The following SSH1 variants were observed in gnomAD, a reference collection of about 807,000 sequenced individuals.
The protein encoded by SSH1 is protein phosphatase Slingshot homolog 1.
SSH1 carries 43 observed loss-of-function variants against 79.7 expected under a neutral mutation model. The observed-to-expected ratio is 0.54, with a 90% CI of 0.42 to 0.70. SSH1 has a LOEUF of 0.70. Ranked by LOEUF, SSH1 falls within the 30% of genes least tolerant of loss-of-function variation. The probability of loss-of-function intolerance (pLI) is 0.00; values close to 1 mark genes in which losing one functional copy is unlikely to be tolerated. For synonymous variants in SSH1, 599 were observed against 538.3 expected, an observed-to-expected ratio of 1.11 and a Z score of -1.56; for missense variants, 1,206 against 1,358.8, an observed-to-expected ratio of 0.89 and a Z score of 1.77.
At chr12:108,824,238 G>A (rs1375255511) in intron 2 of SSH1, among the ~76,000 whole-genome samples, 2 of 152,156 alleles carry the variant, frequency 1.3e-5, no homozygotes, top group African/African-American at 4.8e-5. Context: ...GAGGTCAGGA[G>A]TTCGAGACCA....
At chr12:108,832,613 T>C (rs2038501551) in intron 2 of SSH1, among the ~76,000 whole-genome samples, 1 of 152,198 alleles carries the variant, frequency 6.6e-6, no homozygotes, top group South Asian at 2.1e-4. Context: ...ATTCACCATT[T>C]GGAGAGAGAT....
chr12:108,792,013 G>C (rs1019389107), intron 14 of SSH1: 1 of 1,407,846 alleles, frequency 7.1e-7, no homozygotes. Context: ...GGTACATGGG[G>C]TGAAGATGGT....
intron 13 of SSH1, among the ~76,000 whole-genome samples, chr12:108,794,447 C>T (rs1229233398): frequency 1.3e-5 from 2 of 152,222 alleles, no homozygotes; most frequent in Non-Finnish European, 2.9e-5. Context: ...GATAGGTCAA[C>T]CTCTCAGCGT....
intron 13 of SSH1, among the ~76,000 whole-genome samples, chr12:108,793,236 A>T (rs1260815389): frequency 6.6e-6 from 1 of 152,194 alleles, no homozygotes; most frequent in Non-Finnish European, 1.5e-5. Flanking sequence ...AGGGAATCAA[A>T]GTGGAGTATG....
rs1185862006 is a variant in SSH1, at chr12:108,827,457, G to A, written c.111-4096C>T. 8 of 1,297,922 alleles carry A rather than the reference G, an allele frequency of 6.2e-6. No homozygotes were observed. In the African/African-American group the frequency reaches 7.6e-5, roughly 12 times the overall value. The allele number at this position is 1,297,922 out of a possible 1,614,324, so 80.4% of individuals were successfully genotyped here. A position where few individuals can be genotyped will look rare whatever the true frequency, so the allele number is the denominator to read the frequency against. On this transcript the variant is annotated intron_variant, in intron 2 of 14. Transcript: ENST00000326495. ...CCAGGAGGCTGCCGAGTGCTTCCAC[G>A]AGGGCTGGGGAGCCAACTCCTCCTC...
In SSH1 at chr12:108,782,939, T is replaced by C. The variant is rs1343026031; in HGVS notation, c.*5049A>G. The C allele has an allele frequency of 1.3e-5, 2 of 152,230 alleles. No homozygotes were observed. The highest frequency in any genetic ancestry group is 2.9e-5 in the Non-Finnish European group (2 of 68,048). 9.4% of individuals were successfully genotyped at this position (152,230 alleles called of 1,614,324 possible). On this transcript the variant is annotated 3_prime_UTR_variant, in exon 15 of 15. Transcript: ENST00000326495. ...TTCTGGAAAACCAAACAACTCATGG[T>C]GTGGAGCTCCTGATTGGGGAAGGGA... is the stretch of plus-strand genomic sequence containing the variant.
chr12:108,813,333 C>T (rs866942779), intron 5 of SSH1, among the ~76,000 whole-genome samples: 15 of 152,242 alleles, frequency 9.9e-5, no homozygotes, highest in Middle Eastern at 3.4e-3. Flanking sequence ...AAGACCCCAT[C>T]GTGGAGTCCT....
In SSH1 at chr12:108,791,871, G is replaced by C. The variant is rs1001684860; in HGVS notation, c.1893+415C>G. The C allele has an allele frequency of 1.0e-5, 12 of 1,161,584 alleles. No individual in the cohort carries two copies. The African/African-American group carries it at 1.9e-4, about 18-fold the overall frequency. The allele number at this position is 1,161,584 out of a possible 1,614,324, so 72.0% of individuals were successfully genotyped here. On this transcript the variant is annotated intron_variant, in intron 14 of 14. Coordinates refer to ENST00000326495, the MANE Select transcript of SSH1 (RefSeq NM_018984.4). ...AGGATCATCAGGGGTGTGGGGAAGT[G>C]GGTGGTAGGGGTGAGATGAAAAAGA...
intron 3 of SSH1, among the ~76,000 whole-genome samples, chr12:108,821,650 G>A (rs954285489): frequency 1.6e-4 from 24 of 152,176 alleles, no homozygotes; most frequent in Admixed American, 9.8e-4. Flanking sequence ...GGAGAACTAG[G>A]ATCAGAAGAC....
intron 7 of SSH1, 116 bp downstream of exon 7, chr12:108,809,577 G>A (rs1003391645): frequency 7.1e-6 from 6 of 847,940 alleles, no homozygotes; most frequent in East Asian, 2.4e-5. Flanking sequence ...TGTATTTTGC[G>A]CCTCCCTCAA....
intron 7 of SSH1, among the ~76,000 whole-genome samples, chr12:108,808,095 G>A (rs959725816): frequency 1.5e-4 from 23 of 152,172 alleles, no homozygotes; most frequent in East Asian, 5.8e-4. Flanking sequence ...CCACCACCAC[G>A]CCCAGCTAAT....
At chr12:108,795,931 A>G (rs2036732651) in intron 13 of SSH1, among the ~76,000 whole-genome samples, 1 of 152,074 alleles carries the variant, frequency 6.6e-6, no homozygotes, top group African/African-American at 2.4e-5. Flanking sequence ...TTTCTGAGAA[A>G]AGGTCTCGCT....
At chr12:108,801,724 G>T (rs1371324992) in intron 11 of SSH1, among the ~76,000 whole-genome samples, 1 of 146,612 alleles carries the variant, frequency 6.8e-6, no homozygotes, top group Non-Finnish European at 1.5e-5. Context: ...TGATTTTGTG[G>T]CTGTGTTGTT....
chr12:108,806,442 T>C (rs765115985), intron 8 of SSH1, 48 bp from the exon 9 acceptor site: 1 of 1,566,710 alleles, frequency 6.4e-7, no homozygotes. Flanking sequence ...AGAAAGCTTG[T>C]GGTCGGAGGT....
In SSH1 at chr12:108,782,418, T is replaced by C. The variant is rs1274117680; in HGVS notation, c.*5570A>G. ...AAATCCTTTCCTGGTGGGTAACTTT[T>C]TTTTTTTGGTACACAAAGGACCACC... On this transcript the variant is annotated 3_prime_UTR_variant, in exon 15 of 15. Transcript: ENST00000326495. The C allele has an allele frequency of 1.3e-5, 2 of 152,130 alleles. No homozygotes were observed. Among genetic ancestry groups the C allele is most frequent in the African/African-American group, 4.8e-5 (2 of 41,458 alleles). 9.4% of individuals were successfully genotyped at this position (152,130 alleles called of 1,614,324 possible).
At chr12:108,791,976 T>C in intron 14 of SSH1, 1 of 1,316,820 alleles carries the variant, frequency 7.6e-7, no homozygotes, top group Non-Finnish European at 9.7e-7. Flanking sequence ...GAAATTGAGT[T>C]GGAAGCCCTG....
intron 2 of SSH1, 80 bp from the exon 3 acceptor site, chr12:108,823,441 G>T (rs1220003493): frequency 1.7e-6 from 2 of 1,169,952 alleles, no homozygotes; most frequent in African/African-American, 1.5e-5. Flanking sequence ...AGGGGAAAAA[G>T]CTTTAGCGTG....
chr12:108,788,679 C>T lies in SSH1; in HGVS notation c.2459G>A (p.Gly820Asp). The change falls in exon 15 of 15, where the codon GGC becomes GAC. Residue 820 changes from glycine to aspartate, a missense_variant. Gly to Asp is a moderately conservative substitution (Grantham distance 94). Around this residue, in one of 5 missense-constraint regions of SSH1, gnomAD observed 709 missense variants for 730.6 expected, o/e 0.97. Coordinates refer to ENST00000326495, the MANE Select transcript of SSH1 (RefSeq NM_018984.4). Reference sequence around the variant, plus strand: ...CTCTTTGGTGTGCTTGCGGACCAAGCCTGCCTTCTGCAGCTGAATGATGGA... The same window carrying T: ...CTCTTTGGTGTGCTTGCGGACCAAGTCTGCCTTCTGCAGCTGAATGATGGA... ...QESIIQLQKA[G>D]LVRKHTKELE... 4 of 1,614,118 alleles carry T rather than the reference C, an allele frequency of 2.5e-6. No individual in the cohort carries two copies. The highest frequency in any genetic ancestry group is 3.4e-6 in the Non-Finnish European group (4 of 1,180,034).
At position 108,807,767 on chromosome 12, in the gene SSH1, G is replaced by A. The variant is rs774379103; in HGVS notation, c.597C>T (p.Pro199=). The A allele has an allele frequency of 6.0e-5, 97 of 1,613,740 alleles. No individual in the cohort carries two copies. The highest frequency in any genetic ancestry group is 8.3e-5 in the Admixed American group (5 of 59,978). Residue 199 remains proline (P), a synonymous_variant, in exon 8 of 15, where the codon CCC becomes CCT. Transcript: ENST00000326495. The surrounding 1 kb of genome is among the most constrained non-coding windows in gnomAD (Gnocchi z 5.2). ...CEVARRHNYF[P]GGVALIWATY... Reference sequence around the variant, plus strand: ...TAGCCCAGATGAGAGCTACACCCCCGGGGAAGTAGTTGTGCCTCCGGGCCA... The same window carrying A: ...TAGCCCAGATGAGAGCTACACCCCCAGGGAAGTAGTTGTGCCTCCGGGCCA...
Sources: allele counts gnomAD v4.1 joint callset (sites outside exome capture counted in the v4.1 genomes callset), GRCh38; gene constraint gnomAD v4.1.1; regional missense constraint gnomAD v4.1.1; non-coding constraint Gnocchi (gnomAD v3.1); transcripts MANE v1.5; gene names NCBI Gene and HGNC (gene_info 2026-07-23, HGNC 2026-07-21).